UBE2L3: variants seen among roughly 807,000 people sequenced by gnomAD.
The protein encoded by UBE2L3 is ubiquitin conjugating enzyme E2 L3.
UBE2L3 carries 1 observed loss-of-function variant against 17.8 expected under a neutral mutation model. The ratio of observed to expected loss-of-function variants is 0.06; its 90% CI spans 0.02 to 0.27. The LOEUF (loss-of-function observed/expected upper bound fraction) is 0.27. Ranked by LOEUF, UBE2L3 falls within the 10% of genes least tolerant of loss-of-function variation. UBE2L3 has a pLI of 1.00. For synonymous variants in UBE2L3, 44 were observed against 68.5 expected (o/e 0.64, Z 1.76); for missense variants, 40 against 192.6 (o/e 0.21, Z 4.69).
intron 3 of UBE2L3, among the ~76,000 whole-genome samples, chr22:21,612,368 C>G (rs914587236): frequency 5.3e-5 from 8 of 152,126 alleles, no homozygotes; most frequent in African/African-American, 1.7e-4. Context: ...GCTCTGTCAC[C>G]AGGCTGGAGT....
chr22:21,608,319 A>G (rs1179435549), intron 2 of UBE2L3, among the ~76,000 whole-genome samples: 2 of 152,192 alleles, frequency 1.3e-5, no homozygotes, highest in Non-Finnish European at 2.9e-5. Flanking sequence ...GCGTGATCAC[A>G]GCTCATTGCA....
upstream of UBE2L3, among the ~76,000 whole-genome samples, chr22:21,563,600 G>T (rs1336371463): frequency 7.1e-6 from 1 of 141,480 alleles, no homozygotes; most frequent in Non-Finnish European, 1.5e-5. Flanking sequence ...TTTTTGAGAC[G>T]GACTCTCACT....
chr22:21,620,855 G>A (rs1248615526), intron 3 of UBE2L3, among the ~76,000 whole-genome samples: 4 of 152,066 alleles, frequency 2.6e-5, no homozygotes, highest in Non-Finnish European at 5.9e-5. Flanking sequence ...CACCTTAACC[G>A]AAACTTCCCT....
chr22:21,617,331 A>G (rs745788191), intron 3 of UBE2L3, among the ~76,000 whole-genome samples: 2 of 151,900 alleles, frequency 1.3e-5, no homozygotes, highest in Admixed American at 1.3e-4. Flanking sequence ...CAGTGGCATA[A>G]TCTTGGCTCA....
intron 1 of UBE2L3, among the ~76,000 whole-genome samples, chr22:21,569,860 G>A (rs1481832086): frequency 6.6e-6 from 1 of 152,188 alleles, no homozygotes; most frequent in African/African-American, 2.4e-5. Flanking sequence ...ACCTAGCTAG[G>A]GAGAGTGAGT....
chr22:21,612,787 C>G (rs1046067369), intron 3 of UBE2L3, among the ~76,000 whole-genome samples: 1 of 150,710 alleles, frequency 6.6e-6, no homozygotes, highest in African/African-American at 2.4e-5. Context: ...GGGATTACAG[C>G]CACCACGCTC....
intron 3 of UBE2L3, 122 bp downstream of exon 3, chr22:21,611,165 C>G (rs1176693101): frequency 4.3e-6 from 5 of 1,175,732 alleles, no homozygotes; most frequent in Non-Finnish European, 5.9e-6. Context: ...AAAAATGTAG[C>G]TGAGGTCCTG....
At chr22:21,575,651 TTTTTTTTTG>T (rs1281167584) in intron 1 of UBE2L3, among the ~76,000 whole-genome samples, 1 of 105,350 alleles carries the variant, frequency 9.5e-6, no homozygotes, top group African/African-American at 3.7e-5. Context: ...TTTTTTTTTT[TTTTTTTTTG>T]GAGACGGAGT....
In UBE2L3 at chr22:21,589,829, C is replaced by G. The variant is rs140404784; in HGVS notation, c.28-3032C>G. Among the ~76,000 whole-genome samples the G allele has an allele frequency of 5.3e-5, 8 of 152,252 alleles. No individual in the cohort carries two copies. In the East Asian group the frequency reaches 1.5e-3, roughly 29 times the overall value. On this transcript the variant is annotated intron_variant, in intron 1 of 3. Coordinates refer to ENST00000342192, the MANE Select transcript of UBE2L3 (RefSeq NM_003347.4). ...CCTTTTCTGTCTTTGGAGAGCTTAA[C>G]TTGACGGCAAGGTAAGTTGGGAGTT...
At chr22:21,567,321 G>A (rs1926677714), upstream of UBE2L3, among the ~76,000 whole-genome samples, 2 of 152,036 alleles carry the variant, frequency 1.3e-5, no homozygotes, top group South Asian at 4.1e-4. Context: ...CCGCCACCAC[G>A]CCTGGCTAAT....
intron 1 of UBE2L3, among the ~76,000 whole-genome samples, chr22:21,583,776 G>A (rs1218982490): frequency 6.6e-6 from 1 of 152,220 alleles, no homozygotes; most frequent in African/African-American, 2.4e-5. Context: ...TTGGCACTGA[G>A]TCAAAAGCTG....
chr22:21,585,268 A>G (rs745917102), intron 1 of UBE2L3, among the ~76,000 whole-genome samples: 2 of 152,218 alleles, frequency 1.3e-5, no homozygotes, highest in Non-Finnish European at 1.5e-5. Context: ...TAAACCAGTC[A>G]GTTTTTCATG....
intron 1 of UBE2L3, among the ~76,000 whole-genome samples, chr22:21,560,521 G>T (rs1272529307): frequency 2.8e-5 from 4 of 142,268 alleles, no homozygotes; most frequent in African/African-American, 8.0e-5. Flanking sequence ...CGCAATCTTG[G>T]CTCACTGTAA....
At chr22:21,611,619 C>T (rs893088986) in intron 3 of UBE2L3, among the ~76,000 whole-genome samples, 4 of 152,212 alleles carry the variant, frequency 2.6e-5, no homozygotes, top group Admixed American at 1.3e-4. Flanking sequence ...TGTGGCTGTG[C>T]GTGGTGCACA....
intron 2 of UBE2L3, among the ~76,000 whole-genome samples, chr22:21,595,292 GTCT>G (rs1201320696): frequency 6.6e-6 from 1 of 152,242 alleles, no homozygotes; most frequent in East Asian, 1.9e-4. Flanking sequence ...TTTCAATGAA[GTCT>G]TCTTCCTTCT....
intron 1 of UBE2L3, among the ~76,000 whole-genome samples, chr22:21,573,734 C>T (rs1310070088): frequency 6.6e-6 from 1 of 152,222 alleles, no homozygotes; most frequent in African/African-American, 2.4e-5. Flanking sequence ...TGAGGAGCCC[C>T]AGAGACCATC....
At chr22:21,618,006 C>T (rs1165479161) in intron 3 of UBE2L3, among the ~76,000 whole-genome samples, 2 of 151,450 alleles carry the variant, frequency 1.3e-5, no homozygotes, top group African/African-American at 2.4e-5. Context: ...ATGGTGAAAC[C>T]CCATCTTTAC....
chr22:21,587,454 C>T (rs1928011188), intron 1 of UBE2L3, among the ~76,000 whole-genome samples: 1 of 152,218 alleles, frequency 6.6e-6, no homozygotes, highest in Non-Finnish European at 1.5e-5. Flanking sequence ...GCTGGGATTA[C>T]AGGTGTGAGC....
intron 1 of UBE2L3, among the ~76,000 whole-genome samples, chr22:21,555,921 G>C (rs1422683342): frequency 6.6e-6 from 1 of 152,314 alleles, no homozygotes; most frequent in African/African-American, 2.4e-5. Flanking sequence ...AACAGAGAGA[G>C]ACTCCATCTC....
Sources: gnomAD v4.1 joint callset for allele counts (sites outside exome capture counted in the v4.1 genomes callset) on GRCh38, gnomAD v4.1.1 for gene constraint, MANE v1.5 for transcripts, NCBI Gene and HGNC (gene_info 2026-07-23, HGNC 2026-07-21) for gene names.